CTPS2: variants seen among roughly 807,000 people sequenced by gnomAD.
CTPS2 encodes the protein CTP synthase 2.
In CTPS2, 19 loss-of-function variants were observed where a neutral mutation model predicts 46.8. The observed-to-expected ratio is 0.41, with a 90% confidence interval of 0.28 to 0.60. The LOEUF is 0.60. CTPS2 is among the 20% of genes least tolerant of loss of function. The probability of loss-of-function intolerance (pLI) is 0.35; values close to 1 mark genes in which losing one functional copy is unlikely to be tolerated. For synonymous variants in CTPS2, 151 were observed against 165.2 expected (o/e 0.91, Z 0.66); for missense variants, 286 against 447.6 (o/e 0.64, Z 3.26).
chrX:16,676,135 T>C (rs76740660), intron 10 of CTPS2, among the ~76,000 whole-genome samples: 54 of 112,392 alleles, frequency 4.8e-4, no homozygotes, highest in Non-Finnish European at 8.6e-4. Flanking sequence ...TAAGAATCTT[T>C]TTTATTTTGC....
At chrX:16,648,175 T>C (rs762686806) in intron 13 of CTPS2, among the ~76,000 whole-genome samples, 2 of 111,908 alleles carry the variant, frequency 1.8e-5, no homozygotes, top group African/African-American at 3.2e-5. Context: ...AGTGGTAATT[T>C]GAGAGAAAAG....
chrX:16,604,051 C>T (rs1012007295), intron 17 of CTPS2, among the ~76,000 whole-genome samples: 1 of 111,353 alleles, frequency 9.0e-6, no homozygotes, highest in South Asian at 3.8e-4. Flanking sequence ...AAAGTAGTTT[C>T]GGCTTTTGGG....
intron 1 of CTPS2, 22 bp from the exon 2 acceptor site, chrX:16,702,963 G>T: frequency 1.0e-6 from 1 of 972,857 alleles, no homozygotes; most frequent in Non-Finnish European, 1.4e-6. Context: ...TAAAATTATG[G>T]ATAAGGAAAG....
At chrX:16,710,195 C>T in intron 1 of CTPS2, among the ~76,000 whole-genome samples, 1 of 112,073 alleles carries the variant, frequency 8.9e-6, no homozygotes, top group East Asian at 2.8e-4. Flanking sequence ...GAGGTCCTAC[C>T]CCATACTGGG....
At chrX:16,608,318 G>A (rs1930091390) in intron 17 of CTPS2, among the ~76,000 whole-genome samples, 2 of 111,444 alleles carry the variant, frequency 1.8e-5, no homozygotes, top group Non-Finnish European at 3.8e-5. Context: ...TGGGCACAGT[G>A]GCTCATACCT....
intron 17 of CTPS2, among the ~76,000 whole-genome samples, chrX:16,606,089 C>T (rs778366700): frequency 8.9e-6 from 1 of 112,483 alleles, no homozygotes; most frequent in Non-Finnish European, 1.9e-5. Flanking sequence ...GCGGAGGTTA[C>T]ACCTCAGGTA....
chrX:16,667,621 A>C (rs1191282914), intron 12 of CTPS2, 41 bp downstream of exon 12: 1 of 1,205,005 alleles, frequency 8.3e-7, no homozygotes, highest in Non-Finnish European at 1.1e-6. Flanking sequence ...GAAGAGAGAA[A>C]ATTTTTTAAA....
At chrX:16,705,647 C>T (rs1189108719) in intron 1 of CTPS2, among the ~76,000 whole-genome samples, 2 of 111,906 alleles carry the variant, frequency 1.8e-5, no homozygotes, top group Non-Finnish European at 3.8e-5. Context: ...CTGAACCCTC[C>T]TTCAGAGTGC....
At chrX:16,632,066 G>A (rs183297237) in intron 14 of CTPS2, among the ~76,000 whole-genome samples, 112 of 111,131 alleles carry the variant, frequency 1.0e-3, no homozygotes, top group African/African-American at 3.3e-3. Flanking sequence ...TTCAAAAATC[G>A]TCTAATGAGT....
At chrX:16,630,870 G>T (rs927573096) in intron 14 of CTPS2, among the ~76,000 whole-genome samples, 2 of 112,952 alleles carry the variant, frequency 1.8e-5, no homozygotes, top group African/African-American at 6.4e-5. Flanking sequence ...ATAAAACTCT[G>T]TTGGGACACA....
At chrX:16,642,595 A>C (rs1368010321) in intron 13 of CTPS2, among the ~76,000 whole-genome samples, 2 of 111,712 alleles carry the variant, frequency 1.8e-5, no homozygotes, top group Non-Finnish European at 1.9e-5. Context: ...TATGGTGCCC[A>C]AGCCTGACAC....
intron 13 of CTPS2, chrX:16,651,175 A>G (rs1307812182): frequency 3.5e-6 from 2 of 564,795 alleles, no homozygotes; most frequent in African/African-American, 2.4e-5. Context: ...ACTTAATGGG[A>G]CTGATGGTGG....
chrX:16,670,924 G>A (rs765604216), intron 10 of CTPS2, among the ~76,000 whole-genome samples: 6 of 111,617 alleles, frequency 5.4e-5, no homozygotes, highest in African/African-American at 2.0e-4. Flanking sequence ...TGGCATCAGA[G>A]CATACTAACT....
At chrX:16,663,134 T>C (rs1009451274) in intron 13 of CTPS2, among the ~76,000 whole-genome samples, 1 of 111,162 alleles carries the variant, frequency 9.0e-6, no homozygotes, top group Non-Finnish European at 1.9e-5. Flanking sequence ...GTCTGGAGCA[T>C]GCTACAAAGT....
intron 17 of CTPS2, among the ~76,000 whole-genome samples, chrX:16,591,774 G>A (rs1928914880): frequency 9.0e-6 from 1 of 111,013 alleles, no homozygotes; most frequent in South Asian, 3.9e-4. Flanking sequence ...CTCCAAGCAG[G>A]TCAAAAGGCC....
chrX:16,677,096 G>A (rs1206375164), intron 10 of CTPS2, among the ~76,000 whole-genome samples: 2 of 107,630 alleles, frequency 1.9e-5, no homozygotes, highest in East Asian at 2.9e-4. Flanking sequence ...GATGGGTAAC[G>A]TAAAAATTGG....
intron 9 of CTPS2, among the ~76,000 whole-genome samples, chrX:16,682,044 T>C (rs187679067): frequency 2.3e-4 from 26 of 112,100 alleles, no homozygotes; most frequent in Non-Finnish European, 1.7e-4. Context: ...AAATCTAGAT[T>C]CCATTCCAAT....
chrX:16,670,898 T>G (rs1199563774), intron 10 of CTPS2, among the ~76,000 whole-genome samples: 2 of 111,352 alleles, frequency 1.8e-5, no homozygotes, highest in Non-Finnish European at 3.8e-5. Flanking sequence ...AATATATATT[T>G]TACGATAAGT....
intron 9 of CTPS2, among the ~76,000 whole-genome samples, chrX:16,679,156 A>T: frequency 9.0e-6 from 1 of 110,541 alleles, no homozygotes; most frequent in Non-Finnish European, 1.9e-5. Flanking sequence ...TTAGGAATTC[A>T]AGACCAGCCT....
Sources: gnomAD v4.1 joint callset for allele counts (sites outside exome capture counted in the v4.1 genomes callset) on GRCh38, gnomAD v4.1.1 for gene constraint, MANE v1.5 for transcripts, NCBI Gene and HGNC (gene_info 2026-07-23, HGNC 2026-07-21) for gene names.